The following FRRS1 variants were observed in gnomAD, a reference collection of about 807,000 sequenced individuals.
The protein encoded by FRRS1 is ferric chelate reductase 1, also known as ferric reductase 1.
FRRS1 carries 51 observed loss-of-function variants against 70.7 expected under a neutral mutation model. The ratio of observed to expected loss-of-function variants is 0.72; its 90% CI spans 0.58 to 0.91. FRRS1 has a LOEUF of 0.91. Ranked by LOEUF, FRRS1 falls within the 40% of genes least tolerant of loss-of-function variation. FRRS1 has a pLI of 0.00. For missense variants in FRRS1, 672 were observed against 726.0 expected, an observed-to-expected ratio of 0.93 and a Z score of 0.86; for synonymous variants, 225 against 238.7, an observed-to-expected ratio of 0.94 and a Z score of 0.53.
At chr1:99,764,343 G>T (rs951110973) in intron 1 of FRRS1, among the ~76,000 whole-genome samples, 4 of 152,254 alleles carry the variant, frequency 2.6e-5, no homozygotes, top group Middle Eastern at 3.4e-3. Flanking sequence ...TTTCAGGATG[G>T]GAAGAGTGGG....
intron 9 of FRRS1, among the ~76,000 whole-genome samples, chr1:99,725,231 C>T (rs1175732086): frequency 1.3e-5 from 2 of 152,194 alleles, no homozygotes; most frequent in Non-Finnish European, 2.9e-5. Flanking sequence ...TGCTGTGCGG[C>T]CCAGTTCCTA....
intron 1 of FRRS1, among the ~76,000 whole-genome samples, chr1:99,753,871 C>A (rs372831064): frequency 2.0e-5 from 3 of 152,190 alleles, no homozygotes; most frequent in East Asian, 3.9e-4. Flanking sequence ...AGGAAACAGA[C>A]CCTATTATGT....
intron 9 of FRRS1, among the ~76,000 whole-genome samples, chr1:99,724,817 T>C (rs1349157788): frequency 1.3e-5 from 2 of 152,042 alleles, no homozygotes; most frequent in Non-Finnish European, 2.9e-5. Flanking sequence ...TAGCTTGTGC[T>C]GCAAATATAT....
intron 11 of FRRS1, 93 bp from the exon 12 acceptor site, chr1:99,715,765 A>G: frequency 1.3e-6 from 1 of 798,956 alleles, no homozygotes. Context: ...ACTATGGGGT[A>G]AGATTCACTG....
At chr1:99,716,900 C>T (rs1386710843) in intron 11 of FRRS1, among the ~76,000 whole-genome samples, 1 of 152,148 alleles carries the variant, frequency 6.6e-6, no homozygotes, top group African/African-American at 2.4e-5. Flanking sequence ...AAAAATAACA[C>T]GTTCAGTTTC....
At chr1:99,744,025 G>A (rs910924458) in intron 4 of FRRS1, among the ~76,000 whole-genome samples, 4 of 144,412 alleles carry the variant, frequency 2.8e-5, no homozygotes, top group South Asian at 2.1e-4. Flanking sequence ...GCAGTTGCCC[G>A]CCATATCAAG....
At chr1:99,762,934 T>C (rs1657179399) in intron 1 of FRRS1, among the ~76,000 whole-genome samples, 1 of 152,180 alleles carries the variant, frequency 6.6e-6, no homozygotes. Flanking sequence ...CCTCCAAGCA[T>C]GAAGACTTCA....
chr1:99,747,333 GTCAA>G lies in FRRS1; in HGVS notation c.290_293del (p.Ile97ThrfsTer8). 1.9e-6 allele frequency: 3 copies of G among 1,613,780 alleles called. No homozygotes were observed. In the South Asian group the frequency reaches 3.3e-5, roughly 18 times the overall value. On this transcript the variant is annotated frameshift_variant, in exon 4 of 17. Coordinates refer to ENST00000646001, the MANE Select transcript of FRRS1 (RefSeq NM_001361041.2). LOFTEE classifies it high-confidence loss of function. ...AGGTCAAAAGTTGTGACACTTCACT[GTCAA>G]TCAATGTGAAGGAGCCAATAGGAGG...
rs60761211 is a variant in FRRS1, at chr1:99,706,224, CA to C, written c.*2803del. On this transcript the variant is annotated 3_prime_UTR_variant, in exon 17 of 17. Transcript: ENST00000646001. ...CAACAAAGGGAGATCCCTTCTCTAC[CA>C]AAAAAAAAAAAAAATTTTTTTTTAA... Among the ~76,000 whole-genome samples the C allele has an allele frequency of 2.3e-3, 326 of 139,360 alleles. No homozygotes were observed. Among genetic ancestry groups the C allele is most frequent in the Non-Finnish European group, 2.6e-3 (164 of 63,198 alleles). 91.4% of individuals were successfully genotyped at this position (139,360 alleles called of 152,430 possible). A position where few individuals can be genotyped will look rare whatever the true frequency, so the allele number is the denominator to read the frequency against.
chr1:99,746,450 T>C (rs1231298491), intron 4 of FRRS1, among the ~76,000 whole-genome samples: 1 of 152,202 alleles, frequency 6.6e-6, no homozygotes, highest in Non-Finnish European at 1.5e-5. Flanking sequence ...TGCATGACTT[T>C]TAAAGATTTA....
chr1:99,713,308 C>A (rs1029727350), intron 12 of FRRS1, among the ~76,000 whole-genome samples: 1 of 152,200 alleles, frequency 6.6e-6, no homozygotes, highest in African/African-American at 2.4e-5. Context: ...TTTAGAATGG[C>A]GCTCTTAACC....
intron 7 of FRRS1, among the ~76,000 whole-genome samples, chr1:99,732,197 G>A (rs1265361610): frequency 2.0e-5 from 3 of 152,172 alleles, no homozygotes; most frequent in Admixed American, 1.3e-4. Flanking sequence ...AAGAGTAAGT[G>A]AACGTGCTAC....
In FRRS1 at chr1:99,759,171, G is replaced by A. The variant is rs556530149; in HGVS notation, c.-106+7436C>T. Among the ~76,000 whole-genome samples, 15 of 152,186 alleles carry A rather than the reference G, an allele frequency of 9.9e-5. 1 individual carries two copies. The highest frequency in any genetic ancestry group is 4.1e-4 in the South Asian group (2 of 4,822). On this transcript the variant is annotated intron_variant, in intron 1 of 16. Coordinates refer to ENST00000646001, the MANE Select transcript of FRRS1 (RefSeq NM_001361041.2). ...AGTTCTGCTTTTTGCCCTTTGAAGC[G>A]TGTGATCTTTGTGCCTACTCCCTGT...
At chr1:99,719,700 TA>T in intron 9 of FRRS1, 53 bp from the exon 10 acceptor site, 1 of 994,638 alleles carries the variant, frequency 1.0e-6, no homozygotes. Context: ...CTTCCTCAAA[TA>T]AAAAAGGAAT....
intron 1 of FRRS1, among the ~76,000 whole-genome samples, chr1:99,759,462 G>A (rs1166392761): frequency 6.6e-6 from 1 of 152,162 alleles, no homozygotes; most frequent in Admixed American, 6.5e-5. Context: ...CTAGGATTTG[G>A]GGCAAACCTG....
chr1:99,755,335 A>G (rs2131633), intron 1 of FRRS1, among the ~76,000 whole-genome samples: 74,853 of 151,408 alleles, frequency 0.49, 22,494 homozygotes, highest in African/African-American at 0.85. Context: ...GAGGTGGAAG[A>G]TGGGCTCCTT....
rs1653986282 is a variant in FRRS1, at chr1:99,704,714, G to A, written c.*4314C>T. Among the ~76,000 whole-genome samples the A allele has an allele frequency of 2.0e-5, 3 of 152,172 alleles. No individual in the cohort carries two copies. The South Asian group carries it at 6.2e-4, about 31-fold the overall frequency. ...ACATCGCAGAAGACACAAGCAGCTG[G>A]ACAGCGAGAGGATGTGGATGGGAGC... On this transcript the variant is annotated 3_prime_UTR_variant, in exon 17 of 17. Transcript: ENST00000646001.
At chr1:99,749,767 C>T (rs1369703263) in intron 1 of FRRS1, among the ~76,000 whole-genome samples, 1 of 152,170 alleles carries the variant, frequency 6.6e-6, no homozygotes, top group East Asian at 1.9e-4. Context: ...AGCTACTTTA[C>T]CTCAGTCCCA....
intron 7 of FRRS1, 61 bp from the exon 8 acceptor site, chr1:99,729,809 T>C (rs1655256832): frequency 8.6e-7 from 1 of 1,160,940 alleles, no homozygotes; most frequent in Admixed American, 2.0e-5. Flanking sequence ...TTATTTTCTC[T>C]TTTTAAAAAA....
Sources: allele counts gnomAD v4.1 joint callset (sites outside exome capture counted in the v4.1 genomes callset), GRCh38; gene constraint gnomAD v4.1.1; transcripts MANE v1.5; gene names NCBI Gene and HGNC (gene_info 2026-07-23, HGNC 2026-07-21).